TLL1: variants seen among roughly 807,000 people sequenced by gnomAD.
TLL1 encodes the protein tolloid like 1.
Under a neutral mutation model 128.2 loss-of-function variants are expected in TLL1, and 49 were observed. That is an observed-to-expected ratio of 0.38 (90% CI 0.30 to 0.48). The LOEUF is 0.48. Ranked by LOEUF, TLL1 falls within the 20% of genes least tolerant of loss-of-function variation. The pLI, the probability that TLL1 is intolerant of heterozygous loss-of-function variation, is 0.96. For synonymous variants in TLL1, 454 were observed against 418.8 expected, an observed-to-expected ratio of 1.08 and a Z score of -1.03; for missense variants, 1,123 against 1,242.0, an observed-to-expected ratio of 0.90 and a Z score of 1.44.
chr4:166,028,016 C>G (rs980490423), intron 9 of TLL1, among the ~76,000 whole-genome samples: 1 of 151,950 alleles, frequency 6.6e-6, no homozygotes, highest in African/African-American at 2.4e-5. Context: ...TATAAGAAGC[C>G]AGTGAACAAT....
intron 7 of TLL1, among the ~76,000 whole-genome samples, chr4:166,009,271 G>A (rs774855606): frequency 6.6e-5 from 10 of 151,370 alleles, no homozygotes; most frequent in Non-Finnish European, 1.5e-4. Context: ...GGATATTTAG[G>A]TTCCAGTTCA....
At chr4:166,007,214 C>G in intron 6 of TLL1, among the ~76,000 whole-genome samples, 2 of 151,522 alleles carry the variant, frequency 1.3e-5, no homozygotes, top group Middle Eastern at 3.4e-3. Context: ...TTTCAAATTT[C>G]GAGAAATAAT....
At chr4:166,069,347 C>G (rs1270043321) in intron 16 of TLL1, among the ~76,000 whole-genome samples, 1 of 151,590 alleles carries the variant, frequency 6.6e-6, no homozygotes, top group East Asian at 1.9e-4. Context: ...AACCTTAACA[C>G]AATATAACAT....
chr4:165,941,582 A>G (rs1476343633), intron 1 of TLL1, among the ~76,000 whole-genome samples: 2 of 152,162 alleles, frequency 1.3e-5, no homozygotes, highest in Non-Finnish European at 2.9e-5. Flanking sequence ...CTAATTTGGC[A>G]TTACTCCTTA....
At chr4:166,024,172 C>T (rs868015780) in intron 8 of TLL1, among the ~76,000 whole-genome samples, 21 of 152,306 alleles carry the variant, frequency 1.4e-4, no homozygotes, top group Middle Eastern at 3.4e-3. Context: ...TTGTTTACTC[C>T]TACTTCAAAT....
At chr4:166,056,906 G>A (rs1325958722) in intron 13 of TLL1, among the ~76,000 whole-genome samples, 11 of 152,220 alleles carry the variant, frequency 7.2e-5, no homozygotes, top group African/African-American at 7.2e-5. Flanking sequence ...GCTGATAGAA[G>A]CAATGGAAGA....
At chr4:165,936,195 T>A (rs900627244) in intron 1 of TLL1, among the ~76,000 whole-genome samples, 1 of 145,576 alleles carries the variant, frequency 6.9e-6, no homozygotes, top group Non-Finnish European at 1.5e-5. Flanking sequence ...TTGCTTCATA[T>A]ATATATATAT....
chr4:165,947,268 C>T (rs931717361), intron 1 of TLL1, among the ~76,000 whole-genome samples: 18 of 152,072 alleles, frequency 1.2e-4, no homozygotes, highest in Admixed American at 1.1e-3. Flanking sequence ...CCTATCAAAT[C>T]AAGACCCCAT....
At position 166,017,586 on chromosome 4, in the gene TLL1, C is replaced by A. The variant is rs116424548; in HGVS notation, c.1042+3026C>A. Among the ~76,000 whole-genome samples, 1,351 of 152,200 alleles carry A rather than the reference C, an allele frequency of 8.9e-3. 19 individuals are homozygous for A. The highest frequency in any genetic ancestry group is 0.03 in the African/African-American group (1,237 of 41,538). On this transcript the variant is annotated intron_variant, in intron 8 of 20. Coordinates refer to ENST00000061240, the MANE Select transcript of TLL1 (RefSeq NM_012464.5). ...TGTAAGCATTCTCTTTCTCTACAGC[C>A]TTGCAGGTGTCTATTGTTTTTCATT...
At chr4:165,991,334 A>G (rs1243443469) in intron 2 of TLL1, among the ~76,000 whole-genome samples, 4 of 152,058 alleles carry the variant, frequency 2.6e-5, no homozygotes, top group Non-Finnish European at 5.9e-5. Context: ...AAAGTTCAAT[A>G]GTAACTTGCA....
intron 8 of TLL1, among the ~76,000 whole-genome samples, chr4:166,022,150 G>A (rs1738270487): frequency 6.6e-6 from 1 of 150,484 alleles, no homozygotes; most frequent in African/African-American, 2.4e-5. Context: ...TTCTTTCTTT[G>A]CCCTAAAGAT....
At chr4:165,940,632 C>T (rs1436775672) in intron 1 of TLL1, among the ~76,000 whole-genome samples, 2 of 151,952 alleles carry the variant, frequency 1.3e-5, no homozygotes, top group Non-Finnish European at 2.9e-5. Flanking sequence ...AAATGTTTCT[C>T]ATTAATATGC....
intron 1 of TLL1, among the ~76,000 whole-genome samples, chr4:165,989,155 C>G (rs910905396): frequency 6.6e-6 from 1 of 151,984 alleles, no homozygotes; most frequent in Non-Finnish European, 1.5e-5. Flanking sequence ...ACTACTTTCC[C>G]CCTCTCCACA....
At chr4:165,965,867 C>T (rs1379910587) in intron 1 of TLL1, among the ~76,000 whole-genome samples, 1 of 152,072 alleles carries the variant, frequency 6.6e-6, no homozygotes, top group Non-Finnish European at 1.5e-5. Flanking sequence ...GCATGAAGGA[C>T]ATTGAGTTGA....
intron 16 of TLL1, among the ~76,000 whole-genome samples, chr4:166,069,788 T>C (rs953246700): frequency 1.3e-5 from 2 of 151,732 alleles, no homozygotes; most frequent in African/African-American, 4.8e-5. Context: ...TCTGACTAAA[T>C]ATCATAAATG....
At chr4:166,050,401 C>T (rs184153589) in intron 12 of TLL1, among the ~76,000 whole-genome samples, 71 of 152,226 alleles carry the variant, frequency 4.7e-4, no homozygotes, top group Non-Finnish European at 8.5e-4. Context: ...CTGCTATGAA[C>T]GTAAGTATGC....
rs1448025658 is a variant in TLL1, at chr4:166,103,029, C to T, written c.*2153C>T. ...GCACTAGCTCTTTTTAAATTCCATG[C>T]TACACTTTGAGGACTGTCATCATGT... On this transcript the variant is annotated 3_prime_UTR_variant, in exon 21 of 21. Coordinates refer to ENST00000061240, the MANE Select transcript of TLL1 (RefSeq NM_012464.5). 6.6e-6 allele frequency: 1 copy of T among 151,892 alleles called. No homozygotes were observed. The highest frequency in any genetic ancestry group is 1.5e-5 in the Non-Finnish European group (1 of 67,888). The allele number at this position is 151,892 out of a possible 1,614,324, so 9.4% of individuals were successfully genotyped here. A position where few individuals can be genotyped will look rare whatever the true frequency, so the allele number is the denominator to read the frequency against.
At chr4:166,016,029 A>G (rs1350414387) in intron 8 of TLL1, among the ~76,000 whole-genome samples, 3 of 151,998 alleles carry the variant, frequency 2.0e-5, no homozygotes, top group Non-Finnish European at 4.4e-5. Context: ...GTATAAATAT[A>G]TGTCTGCCTA....
Position 165,908,800 on chromosome 4 carries a change from G to T in TLL1, c.169+34727G>T, listed in dbSNP as rs540421970. Among the ~76,000 whole-genome samples, 5 of 152,232 alleles carry T rather than the reference G, an allele frequency of 3.3e-5. No individual in the cohort carries two copies. The South Asian group carries it at 6.2e-4, about 19-fold the overall frequency. On this transcript the variant is annotated intron_variant, in intron 1 of 20. Coordinates refer to ENST00000061240, the MANE Select transcript of TLL1 (RefSeq NM_012464.5). ...CCTTGCAGTAATCCAGGCCAGGCAT[G>T]GTTGTGGCACAGGCCAAAGTGTTAG...
Sources: gnomAD v4.1 joint callset for allele counts (sites outside exome capture counted in the v4.1 genomes callset) on GRCh38, gnomAD v4.1.1 for gene constraint, MANE v1.5 for transcripts, NCBI Gene and HGNC (gene_info 2026-07-23, HGNC 2026-07-21) for gene names.